CERT1: variants seen among roughly 807,000 people sequenced by gnomAD.
The protein encoded by CERT1 is ceramide transporter 1, also known as ceramide transfer protein.
CERT1 carries 31 observed loss-of-function variants against 87.9 expected under a neutral mutation model. That is an observed-to-expected ratio of 0.35 (90% CI 0.27 to 0.48). CERT1 has a LOEUF of 0.48. Ranked by LOEUF, CERT1 falls within the 20% of genes least tolerant of loss-of-function variation. The pLI, the probability that CERT1 is intolerant of heterozygous loss-of-function variation, is 0.99. For synonymous variants in CERT1, 289 were observed against 250.9 expected, an observed-to-expected ratio of 1.15 and a Z score of -1.44; for missense variants, 487 against 758.0, an observed-to-expected ratio of 0.64 and a Z score of 4.20.
At chr5:75,436,801 C>T (rs1764116550) in intron 3 of CERT1, among the ~76,000 whole-genome samples, 1 of 152,002 alleles carries the variant, frequency 6.6e-6, no homozygotes, top group Non-Finnish European at 1.5e-5. Flanking sequence ...GACAGGGTAT[C>T]GCTCTGTTAC....
chr5:75,481,998 C>G (rs1766269345), intron 2 of CERT1, among the ~76,000 whole-genome samples: 1 of 152,058 alleles, frequency 6.6e-6, no homozygotes, highest in Admixed American at 6.6e-5. Context: ...GTTACAGGAC[C>G]TTACCAGAAC....
intron 2 of CERT1, among the ~76,000 whole-genome samples, chr5:75,490,784 C>T (rs1561300124): frequency 6.6e-6 from 1 of 152,190 alleles, no homozygotes; most frequent in East Asian, 1.9e-4. Context: ...AGGCGTGAGC[C>T]ACTGTGCCCA....
chr5:75,458,712 C>T lies in CERT1; in HGVS notation c.348+353G>A, dbSNP rs546953633. Among the ~76,000 whole-genome samples the T allele has an allele frequency of 5.5e-4, 83 of 152,132 alleles. 1 individual carries two copies. Among genetic ancestry groups the T allele is most frequent in the South Asian group, 4.4e-3 (21 of 4,808 alleles). ...GATTACAGGTGCTCACCACTAAGCA[C>T]GGCTAATTTTTGTATTTTTAGTAGA... On this transcript the variant is annotated intron_variant, in intron 3 of 16. Transcript: ENST00000643780.
intron 2 of CERT1, among the ~76,000 whole-genome samples, chr5:75,501,196 A>C (rs1344647216): frequency 1.3e-5 from 2 of 151,980 alleles, no homozygotes; most frequent in Non-Finnish European, 2.9e-5. Flanking sequence ...AAGTTTCTTT[A>C]ATTTTTCCAA....
At chr5:75,494,955 C>T (rs1396971388) in intron 2 of CERT1, among the ~76,000 whole-genome samples, 1 of 152,212 alleles carries the variant, frequency 6.6e-6, no homozygotes, top group East Asian at 1.9e-4. Flanking sequence ...CAACAGGAGA[C>T]AACCTTACTT....
intron 5 of CERT1, among the ~76,000 whole-genome samples, chr5:75,421,394 T>C (rs1195665471): frequency 6.6e-6 from 1 of 152,222 alleles, no homozygotes; most frequent in African/African-American, 2.4e-5. Context: ...GAAAATGTTG[T>C]CAATCATCTA....
At chr5:75,384,528 A>C (rs780914118) in intron 14 of CERT1, 114 bp downstream of exon 14, 24 of 647,018 alleles carry the variant, frequency 3.7e-5, no homozygotes, top group Non-Finnish European at 6.2e-5. Flanking sequence ...TATTTAATAA[A>C]GTCTTTGGAT....
intron 2 of CERT1, among the ~76,000 whole-genome samples, chr5:75,487,048 C>T (rs1236403657): frequency 2.0e-5 from 3 of 151,862 alleles, no homozygotes; most frequent in African/African-American, 7.2e-5. Context: ...AAAAAGAACA[C>T]AACTGTAGGA....
rs142798304 is a variant in CERT1 at position 75,412,374 on chromosome 5, C to T, written c.838-1271G>A. Among the ~76,000 whole-genome samples the T allele has an allele frequency of 1.4e-3, 215 of 152,304 alleles. 1 individual carries two copies. The highest frequency in any genetic ancestry group is 4.3e-3 in the African/African-American group (179 of 41,560). On this transcript the variant is annotated intron_variant, in intron 7 of 16. Coordinates refer to ENST00000643780, the MANE Select transcript of CERT1 (RefSeq NM_001379029.1). ...CTACAGGAAATGTAAACAGCTCTTCCTATTTCCCCTTATTCCCAAAAAAAC... is the reference window on the plus strand; with the variant it reads ...CTACAGGAAATGTAAACAGCTCTTCTTATTTCCCCTTATTCCCAAAAAAAC...
chr5:75,489,286 T>C (rs1008590449), intron 2 of CERT1, among the ~76,000 whole-genome samples: 4 of 152,062 alleles, frequency 2.6e-5, no homozygotes, highest in African/African-American at 9.7e-5. Flanking sequence ...CCCAAAACCA[T>C]AAAAACCCTA....
intron 8 of CERT1, among the ~76,000 whole-genome samples, chr5:75,407,420 CT>C (rs1762749792): frequency 6.8e-6 from 1 of 147,988 alleles, no homozygotes; most frequent in Admixed American, 6.8e-5. Context: ...AGGTTTAAAA[CT>C]TTTATATGTC....
chr5:75,374,889 T>C, downstream of CERT1: 1 of 388,244 alleles, frequency 2.6e-6, no homozygotes, highest in South Asian at 2.1e-5. Flanking sequence ...TATTGCATGC[T>C]GAGTGTATCT....
chr5:75,419,099 G>GA (rs1397043548), intron 6 of CERT1, among the ~76,000 whole-genome samples: 1 of 152,100 alleles, frequency 6.6e-6, no homozygotes, highest in East Asian at 1.9e-4. Context: ...CAAGACAAGG[G>GA]AAAAAAATTG....
At chr5:75,457,809 A>G (rs72633968) in intron 3 of CERT1, among the ~76,000 whole-genome samples, 15,143 of 150,822 alleles carry the variant, frequency 0.1, 914 homozygotes, top group South Asian at 0.21. Context: ...TACCCAAAAC[A>G]GTGCCTGAGA....
At chr5:75,399,016 A>G (rs1762366437) in intron 11 of CERT1, among the ~76,000 whole-genome samples, 2 of 152,220 alleles carry the variant, frequency 1.3e-5, no homozygotes, top group Admixed American at 6.5e-5. Context: ...GAAGAAACAG[A>G]TATTACATGA....
intron 2 of CERT1, among the ~76,000 whole-genome samples, chr5:75,477,489 T>C (rs140169788): frequency 6.6e-6 from 1 of 152,040 alleles, no homozygotes; most frequent in African/African-American, 2.4e-5. Flanking sequence ...CAAAATCTCC[T>C]CTGGCACAGT....
intron 2 of CERT1, among the ~76,000 whole-genome samples, chr5:75,471,754 C>CAAAAAAAAA (rs796209502): frequency 2.0e-5 from 1 of 50,786 alleles, no homozygotes; most frequent in African/African-American, 5.8e-5. Context: ...GACTTCATCT[C>CAAAAAAAAA]AAAAAAAAAA....
At chr5:75,469,169 A>G (rs1360857503) in intron 2 of CERT1, among the ~76,000 whole-genome samples, 1 of 152,216 alleles carries the variant, frequency 6.6e-6, no homozygotes, top group Non-Finnish European at 1.5e-5. Context: ...TACAATGAAT[A>G]AAATGAAAAA....
chr5:75,461,444 T>C (rs1447772381), intron 2 of CERT1, among the ~76,000 whole-genome samples: 1 of 152,196 alleles, frequency 6.6e-6, no homozygotes, highest in African/African-American at 2.4e-5. Flanking sequence ...AACTGGTCCC[T>C]GGTGCCAAAA....
Sources: allele counts gnomAD v4.1 joint callset (sites outside exome capture counted in the v4.1 genomes callset), GRCh38; gene constraint gnomAD v4.1.1; transcripts MANE v1.5; gene names NCBI Gene and HGNC (gene_info 2026-07-23, HGNC 2026-07-21).